The following ST18 variants were observed in gnomAD, a reference collection of about 807,000 sequenced individuals.
ST18 encodes ST18 C2H2C-type zinc finger transcription factor.
ST18 carries 50 observed loss-of-function variants against 110.0 expected under a neutral mutation model. The observed-to-expected ratio is 0.45, with a 90% confidence interval of 0.36 to 0.58. The LOEUF is 0.58. ST18 is among the 20% of genes least tolerant of loss of function. ST18 has a pLI of 0.00. For missense variants in ST18, 1,306 were observed against 1,280.1 expected, an observed-to-expected ratio of 1.02 and a Z score of -0.31; for synonymous variants, 461 against 452.4, an observed-to-expected ratio of 1.02 and a Z score of -0.24.
At chr8:52,214,283 G>C (rs745340534) in intron 6 of ST18, 26 bp from the exon 7 acceptor site, 3 of 1,612,770 alleles carry the variant, frequency 1.9e-6, no homozygotes, top group Admixed American at 1.7e-5. Context: ...AAAGTCCTGA[G>C]GTCATTCCTT....
At chr8:52,264,780 T>G (rs1357164678) in intron 2 of ST18, among the ~76,000 whole-genome samples, 1 of 152,202 alleles carries the variant, frequency 6.6e-6, no homozygotes, top group African/African-American at 2.4e-5. Flanking sequence ...CACCTGCATC[T>G]AAAGATGCTC....
chr8:52,179,672 T>C (rs547558429), intron 9 of ST18, among the ~76,000 whole-genome samples: 1 of 152,126 alleles, frequency 6.6e-6, no homozygotes, highest in South Asian at 2.1e-4. Context: ...AAAAAAATTT[T>C]TAACTGTAAT....
chr8:52,238,541 G>GT (rs541114874), intron 2 of ST18, among the ~76,000 whole-genome samples: 36 of 152,246 alleles, frequency 2.4e-4, no homozygotes, highest in Admixed American at 2.3e-3. Context: ...GCACATGTAT[G>GT]TTTTTTGTAG....
chr8:52,245,823 T>A lies in ST18; in HGVS notation c.-464-15746A>T, dbSNP rs956661988. 1.3e-4 allele frequency among the ~76,000 whole-genome samples: 20 copies of A among 152,140 alleles called. 1 individual carries two copies. Among genetic ancestry groups the A allele is most frequent in the African/African-American group, 4.6e-4 (19 of 41,452 alleles). ...AGTCTGATCTAAAATGCTCTTATAGTGTTGTAGTTAACTCCACTTAATAGT... is the reference window on the plus strand; with the variant it reads ...AGTCTGATCTAAAATGCTCTTATAGAGTTGTAGTTAACTCCACTTAATAGT... On this transcript the variant is annotated intron_variant, in intron 2 of 25. Coordinates refer to ENST00000689386, the MANE Select transcript of ST18 (RefSeq NM_001352837.2).
At chr8:52,345,345 G>A (rs1267680119) in intron 2 of ST18, among the ~76,000 whole-genome samples, 1 of 152,086 alleles carries the variant, frequency 6.6e-6, no homozygotes. Context: ...TAAAGAAAAA[G>A]GAAAGAACTT....
rs554111099 is a variant in ST18, at chr8:52,125,982, C to A, written c.2755+70G>T. 25 of 1,214,100 alleles carry A rather than the reference C, an allele frequency of 2.1e-5. No individual in the cohort carries two copies. The South Asian group carries it at 3.3e-4, about 16-fold the overall frequency. The allele number at this position is 1,214,100 out of a possible 1,614,324, so 75.2% of individuals were successfully genotyped here. On this transcript the variant is annotated intron_variant, in intron 23 of 25. Transcript: ENST00000689386. The stretch of plus-strand genomic sequence containing the variant: ...TTCCCACCTAGAGAATACTTTGACA[C>A]ACGGAACGCTTTGGGGAGCCAGGGT...
At chr8:52,122,269 C>T (rs2045220129) in intron 23 of ST18, among the ~76,000 whole-genome samples, 1 of 151,900 alleles carries the variant, frequency 6.6e-6, no homozygotes, top group South Asian at 2.1e-4. Context: ...CTAATCTGTG[C>T]CTAATTTGCA....
At chr8:52,372,397 G>A (rs892357596) in intron 2 of ST18, among the ~76,000 whole-genome samples, 5 of 152,028 alleles carry the variant, frequency 3.3e-5, no homozygotes, top group South Asian at 2.1e-4. Context: ...AGTACACTAC[G>A]GTTAATTTAT....
rs999883852 is a variant in ST18 at position 52,308,486 on chromosome 8, A to G, written c.-464-78409T>C. On this transcript the variant is annotated intron_variant, in intron 2 of 25. Coordinates refer to ENST00000689386, the MANE Select transcript of ST18 (RefSeq NM_001352837.2). ...TACAGCCAGAAATAAGCAGAGCCACAGCTCAAAGACAGCTTTACTCACTCC... is the reference window on the plus strand; with the variant it reads ...TACAGCCAGAAATAAGCAGAGCCACGGCTCAAAGACAGCTTTACTCACTCC... Among the ~76,000 whole-genome samples the G allele has an allele frequency of 2.6e-5, 4 of 152,208 alleles. 1 individual carries two copies. Among genetic ancestry groups the G allele is most frequent in the Admixed American group, 2.6e-4 (4 of 15,280 alleles).
rs969934177 is a variant in ST18 at position 52,166,967 on chromosome 8, C to T, written c.1089G>A (p.Lys363=). The change falls in exon 11 of 26, where the codon AAG becomes AAA. Residue 363 remains lysine (K), a synonymous_variant. Transcript: ENST00000689386. The stretch of plus-strand genomic sequence containing the variant: ...CAGGGATCGGGCACTTGGTCTCCCT[C>T]TTTTCAGGCCTTGGTGAATCTATGG... The part of the protein sequence containing the change: ...FNNKHSPRPE[K]RETKCPIPGC... The T allele has an allele frequency of 1.2e-5, 19 of 1,610,324 alleles. No individual in the cohort carries two copies. The highest frequency in any genetic ancestry group is 1.6e-5 in the Non-Finnish European group (19 of 1,177,356).
chr8:52,331,689 CT>C (rs1462362624), intron 2 of ST18, among the ~76,000 whole-genome samples: 2 of 152,126 alleles, frequency 1.3e-5, no homozygotes, highest in Non-Finnish European at 2.9e-5. Flanking sequence ...AAACTTTTCT[CT>C]TTTTAAACTG....
Position 52,164,044 on chromosome 8 carries a change from G to A in ST18, c.1342C>T (p.Gln448Ter). The A allele has an allele frequency of 6.2e-7, 1 of 1,614,100 alleles. No individual in the cohort carries two copies. Among genetic ancestry groups the A allele is most frequent in the Non-Finnish European group, 8.5e-7 (1 of 1,180,008 alleles). ...IAAAEKLAMS[Q>*]DKNQLDSPQT... ...GGAGAATCAAGCTGATTTTTATCCT[G>A]GGACATTGCCAATTTTTCAGCTGCA... Residue 448 changes from glutamine (Q) to a stop codon, truncating the protein, a stop_gained, in exon 13 of 26, where the codon CAG becomes TAG. Coordinates refer to ENST00000689386, the MANE Select transcript of ST18 (RefSeq NM_001352837.2). LOFTEE classifies it high-confidence loss of function.
chr8:52,357,979 A>G (rs903355666), intron 2 of ST18, among the ~76,000 whole-genome samples: 2 of 151,500 alleles, frequency 1.3e-5, no homozygotes, highest in African/African-American at 4.8e-5. Flanking sequence ...ATCAATTTTA[A>G]TAGGTTAAAA....
chr8:52,174,912 G>A (rs1003935334), intron 9 of ST18, among the ~76,000 whole-genome samples: 1 of 152,124 alleles, frequency 6.6e-6, no homozygotes, highest in African/African-American at 2.4e-5. Context: ...TCTGTGATGG[G>A]GTGCTTGTTT....
intron 10 of ST18, among the ~76,000 whole-genome samples, chr8:52,167,987 A>G (rs2063569157): frequency 6.6e-6 from 1 of 152,056 alleles, no homozygotes; most frequent in South Asian, 2.1e-4. Context: ...TAGAACTAAC[A>G]CAGATGAGGC....
At chr8:52,323,028 G>A (rs545302534) in intron 2 of ST18, among the ~76,000 whole-genome samples, 2 of 152,326 alleles carry the variant, frequency 1.3e-5, no homozygotes, top group East Asian at 3.9e-4. Context: ...AGCAGTAGGA[G>A]TCAGACAGGT....
intron 2 of ST18, among the ~76,000 whole-genome samples, chr8:52,231,720 C>T (rs564086680): frequency 6.6e-6 from 1 of 152,292 alleles, no homozygotes; most frequent in South Asian, 2.1e-4. Context: ...CGTGATCCGC[C>T]AGCCGCGGCC....
chr8:52,250,343 T>G (rs777628545), intron 2 of ST18, among the ~76,000 whole-genome samples: 7 of 149,630 alleles, frequency 4.7e-5, no homozygotes, highest in Non-Finnish European at 1.0e-4. Flanking sequence ...CTCTATTTAT[T>G]CCTTATCTCT....
chr8:52,268,754 G>A (rs1033312065), intron 2 of ST18, among the ~76,000 whole-genome samples: 2 of 152,166 alleles, frequency 1.3e-5, no homozygotes, highest in Non-Finnish European at 2.9e-5. Flanking sequence ...CGAAATCCCT[G>A]AATCCTTGGG....
Sources: gnomAD v4.1 joint callset for allele counts (sites outside exome capture counted in the v4.1 genomes callset) on GRCh38, gnomAD v4.1.1 for gene constraint, MANE v1.5 for transcripts, NCBI Gene and HGNC (gene_info 2026-07-23, HGNC 2026-07-21) for gene names.